SLC9C1: variants seen among roughly 807,000 people sequenced by gnomAD.
SLC9C1 encodes the protein solute carrier family 9 member C1.
Under a neutral mutation model 140.9 loss-of-function variants are expected in SLC9C1, and 97 were observed. The ratio of observed to expected loss-of-function variants is 0.69; its 90% CI spans 0.58 to 0.82. The LOEUF (loss-of-function observed/expected upper bound fraction) is 0.82. SLC9C1 is among the 40% of genes least tolerant of loss of function. The pLI, the probability that SLC9C1 is intolerant of heterozygous loss-of-function variation, is 0.00. For missense variants in SLC9C1, 1,340 were observed against 1,389.3 expected, an observed-to-expected ratio of 0.96 and a Z score of 0.56; for synonymous variants, 440 against 442.6, an observed-to-expected ratio of 0.99 and a Z score of 0.07.
Position 112,169,060 on chromosome 3 carries a change from A to C in SLC9C1, c.3054T>G (p.Asp1018Glu). The change falls in exon 25 of 29, where the codon GAT becomes GAG. Residue 1018 changes from aspartate to glutamate, a missense_variant and splice_region_variant. Physicochemically the swap from Asp to Glu is conservative, Grantham distance 45. Coordinates refer to ENST00000305815, the MANE Select transcript of SLC9C1 (RefSeq NM_183061.3). ...RKIREHLSYE[D>E]WNYNMQLKLS... ...GCTTTAGTTGCATATTGTAGTTCCA[A>C]TCCTGTTTTAGAAAACACAATTTCA... 1 of 1,583,870 alleles carries C rather than the reference A, an allele frequency of 6.3e-7. No homozygotes were observed.
chr3:112,163,869 G>T (rs2075383468), intron 26 of SLC9C1, among the ~76,000 whole-genome samples: 2 of 151,804 alleles, frequency 1.3e-5, no homozygotes, highest in Non-Finnish European at 1.5e-5. Context: ...GTTGACAGTG[G>T]GGTGTTAAAG....
intron 23 of SLC9C1, among the ~76,000 whole-genome samples, chr3:112,178,554 G>A (rs528574135): frequency 6.6e-6 from 1 of 152,128 alleles, no homozygotes; most frequent in East Asian, 1.9e-4. Flanking sequence ...TCTCCTTCCT[G>A]TATTTTCTGT....
chr3:112,168,080 T>A (rs968808839), intron 25 of SLC9C1, among the ~76,000 whole-genome samples: 1 of 152,202 alleles, frequency 6.6e-6, no homozygotes, highest in East Asian at 1.9e-4. Context: ...AGTGCTTTTA[T>A]CCTAGCTGTA....
chr3:112,150,432 G>A (rs910520970), intron 28 of SLC9C1, among the ~76,000 whole-genome samples: 1 of 151,934 alleles, frequency 6.6e-6, no homozygotes, highest in African/African-American at 2.4e-5. Flanking sequence ...CATATACTGG[G>A]GCTTCACTCA....
intron 26 of SLC9C1, among the ~76,000 whole-genome samples, chr3:112,166,411 G>A (rs1350575960): frequency 6.6e-6 from 1 of 152,202 alleles, no homozygotes; most frequent in Non-Finnish European, 1.5e-5. Context: ...AATGTTAAAT[G>A]TGCATCCTTC....
chr3:112,168,674 G>A (rs2077186568), intron 25 of SLC9C1, among the ~76,000 whole-genome samples: 1 of 152,206 alleles, frequency 6.6e-6, no homozygotes, highest in African/African-American at 2.4e-5. Context: ...GGGCTAGCAA[G>A]TGCCAAAGCA....
At chr3:112,291,365 A>G (rs767015737) in intron 1 of SLC9C1, among the ~76,000 whole-genome samples, 4 of 152,238 alleles carry the variant, frequency 2.6e-5, no homozygotes, top group Non-Finnish European at 4.4e-5. Context: ...TTTGCAAACT[A>G]TGCTTCTGAC....
Position 112,269,808 on chromosome 3 carries a change from A to G in SLC9C1, c.775+108T>C, listed in dbSNP as rs574209148. Reference sequence around the variant, plus strand: ...TTATTTTAATAAAAATATTCTGTCTAGATCAGTTGAATGTTTTTACTAACT... The same window carrying G: ...TTATTTTAATAAAAATATTCTGTCTGGATCAGTTGAATGTTTTTACTAACT... On this transcript the variant is annotated intron_variant, in intron 7 of 28. Transcript: ENST00000305815. 94 of 845,026 alleles carry G rather than the reference A, an allele frequency of 1.1e-4. No homozygotes were observed. The African/African-American group carries it at 1.5e-3, about 14-fold the overall frequency. The allele number at this position is 845,026 out of a possible 1,614,324, so 52.3% of individuals were successfully genotyped here.
intron 28 of SLC9C1, among the ~76,000 whole-genome samples, chr3:112,143,127 A>G (rs556359542): frequency 2.2e-4 from 33 of 152,082 alleles, no homozygotes; most frequent in African/African-American, 7.7e-4. Flanking sequence ...TCTTTATTCA[A>G]CCCACCACTG....
At chr3:112,188,155 T>C (rs2077575290) in intron 20 of SLC9C1, among the ~76,000 whole-genome samples, 1 of 152,206 alleles carries the variant, frequency 6.6e-6, no homozygotes, top group Non-Finnish European at 1.5e-5. Context: ...TTTGAACACA[T>C]ATCTTTGCTT....
At chr3:112,155,422 AACAG>A (rs1280046900) in intron 26 of SLC9C1, among the ~76,000 whole-genome samples, 1 of 152,188 alleles carries the variant, frequency 6.6e-6, no homozygotes, top group African/African-American at 2.4e-5. Flanking sequence ...AAGTTAGTAA[AACAG>A]ACAGACTAGC....
chr3:112,149,238 G>T (rs1484343245), intron 28 of SLC9C1, among the ~76,000 whole-genome samples: 6 of 152,048 alleles, frequency 3.9e-5, no homozygotes, highest in African/African-American at 1.4e-4. Flanking sequence ...CCTGGTCATG[G>T]AGCAGAGAGT....
Position 112,167,256 on chromosome 3 carries a change from G to T in SLC9C1, c.3329C>A (p.Pro1110His), listed in dbSNP as rs753015715. 4.3e-6 allele frequency: 7 copies of T among 1,609,396 alleles called. No individual in the cohort carries two copies. The highest frequency in any genetic ancestry group is 1.7e-4 in the Middle Eastern group (1 of 6,054). ...TFRRNIRKFV[P>H]KHKSYLTPGL... ...TGGTGTAAGATAACTTTTATGTTTA[G>T]GAACAAACTTTCTAATATTCCTTCT... The change falls in exon 26 of 29, where the codon CCT becomes CAT. Residue 1110 changes from proline (P) to histidine (H), a missense_variant. By Grantham distance (77) the Pro-to-His change is moderately conservative. Transcript: ENST00000305815.
In SLC9C1 at chr3:112,179,577, G is replaced by T. The variant is rs1443889920; in HGVS notation, c.2873C>A (p.Thr958Asn). Residue 958 changes from threonine (T) to asparagine (N), a missense_variant, in exon 23 of 29, where the codon ACT becomes AAT. Physicochemically the swap from Thr to Asn is moderately conservative, Grantham distance 65. Transcript: ENST00000305815. ...GEIIGEINCL[T>N]NEPMKYSATC... Reference sequence around the variant, plus strand: ...GGCAGAATATTTCATAGGTTCATTAGTTAAGCAGTTTATCTCTCCTATTAT... The same window carrying T: ...GGCAGAATATTTCATAGGTTCATTATTTAAGCAGTTTATCTCTCCTATTAT... 7.4e-6 allele frequency: 12 copies of T among 1,610,744 alleles called. No homozygotes were observed. The highest frequency in any genetic ancestry group is 1.0e-5 in the Non-Finnish European group (12 of 1,178,968).
chr3:112,168,586 T>C (rs141273515), intron 25 of SLC9C1, among the ~76,000 whole-genome samples: 65 of 152,326 alleles, frequency 4.3e-4, no homozygotes, highest in African/African-American at 1.5e-3. Context: ...TTGCAATGAA[T>C]AACTGTACCA....
At chr3:112,226,818 A>C (rs553041097) in intron 13 of SLC9C1, among the ~76,000 whole-genome samples, 1 of 152,302 alleles carries the variant, frequency 6.6e-6, no homozygotes, top group South Asian at 2.1e-4. Context: ...AAATTAAGTC[A>C]AGGAAAGAAG....
intron 10 of SLC9C1, among the ~76,000 whole-genome samples, chr3:112,254,283 A>C (rs2108267882): frequency 6.6e-6 from 1 of 152,250 alleles, no homozygotes. Flanking sequence ...AAGACACACA[A>C]TCATCAGATT....
chr3:112,288,030 A>G (rs6792888), intron 1 of SLC9C1, among the ~76,000 whole-genome samples: 95,172 of 135,960 alleles, frequency 0.7, 33,696 homozygotes, highest in East Asian at 1. Context: ...GCCACAGAGC[A>G]AGACTCCGTC....
chr3:112,208,556 C>T (rs2078118602), intron 15 of SLC9C1, among the ~76,000 whole-genome samples, 183 bp from the exon 16 acceptor site: 2 of 152,154 alleles, frequency 1.3e-5, no homozygotes, highest in South Asian at 4.1e-4. Context: ...ATTTCTTCCA[C>T]TGATCCTCCT....
Sources: allele counts gnomAD v4.1 joint callset (sites outside exome capture counted in the v4.1 genomes callset), GRCh38; gene constraint gnomAD v4.1.1; transcripts MANE v1.5; gene names NCBI Gene and HGNC (gene_info 2026-07-23, HGNC 2026-07-21).